Variants in ELAPOR2 observed in about 807,000 individuals in gnomAD.
The protein encoded by ELAPOR2 is endosome-lysosome associated apoptosis and autophagy regulator family member 2, also known as endosome/lysosome-associated apoptosis and autophagy regulator family member 2.
In ELAPOR2, 89 loss-of-function variants were observed where a neutral mutation model predicts 120.7. The ratio of observed to expected loss-of-function variants is 0.74; its 90% CI spans 0.62 to 0.88. ELAPOR2 has a LOEUF of 0.88. Among genes scored for constraint, ELAPOR2 ranks in the 40% least tolerant of loss-of-function variants. The pLI, the probability that ELAPOR2 is intolerant of heterozygous loss-of-function variation, is 0.00. For missense variants in ELAPOR2, 1,134 were observed against 1,251.6 expected (o/e 0.91, Z 1.42); for synonymous variants, 444 against 444.9 (o/e 1.00, Z 0.03).
At chr7:87,027,004 A>G (rs185767857) in intron 1 of ELAPOR2, among the ~76,000 whole-genome samples, 143 of 152,258 alleles carry the variant, frequency 9.4e-4, no homozygotes, top group Admixed American at 2.3e-3. Context: ...TTGGTGCAAC[A>G]ACAAAATTTC....
intron 10 of ELAPOR2, chr7:86,919,598 T>C: frequency 4.1e-6 from 1 of 241,296 alleles, no homozygotes; most frequent in Non-Finnish European, 8.0e-6. Context: ...ATGGTCTCTA[T>C]CTACTCTAAT....
chr7:87,043,836 G>A (rs1289908786), intron 1 of ELAPOR2, among the ~76,000 whole-genome samples: 5 of 151,346 alleles, frequency 3.3e-5, no homozygotes, highest in South Asian at 2.1e-4. Context: ...GTTTGCAGAC[G>A]ACATGACTGT....
chr7:86,925,981 T>C (rs1246773146), intron 9 of ELAPOR2, among the ~76,000 whole-genome samples: 1 of 151,994 alleles, frequency 6.6e-6, no homozygotes, highest in Non-Finnish European at 1.5e-5. Flanking sequence ...AAAGAGTAAC[T>C]ATGAAACAAG....
At chr7:86,900,088 C>A (rs1192920256) in intron 18 of ELAPOR2, among the ~76,000 whole-genome samples, 1 of 152,072 alleles carries the variant, frequency 6.6e-6, no homozygotes. Flanking sequence ...AAGTGCTCTC[C>A]TGTTCAAATC....
intron 1 of ELAPOR2, among the ~76,000 whole-genome samples, chr7:87,040,749 C>T (rs974847875): frequency 6.6e-6 from 1 of 152,244 alleles, no homozygotes; most frequent in African/African-American, 2.4e-5. Context: ...AGCAACGGAA[C>T]AAAGCTGGAT....
Position 87,011,064 on chromosome 7 carries a change from G to A in ELAPOR2, c.190-46040C>T, listed in dbSNP as rs968921542. Among the ~76,000 whole-genome samples the A allele has an allele frequency of 9.9e-5, 15 of 151,870 alleles. No homozygotes were observed. The South Asian group carries it at 2.1e-3, about 21-fold the overall frequency. ...GGGCGGGTCATGAGGTCAAGAGATC[G>A]AGACCATCCTGGCCAACATGGTGAA... On this transcript the variant is annotated intron_variant, in intron 1 of 21. Transcript: ENST00000450689.
At chr7:86,931,948 G>C (rs1029716431) in intron 8 of ELAPOR2, among the ~76,000 whole-genome samples, 1 of 151,810 alleles carries the variant, frequency 6.6e-6, no homozygotes, top group African/African-American at 2.4e-5. Context: ...TTCTCTTTGG[G>C]AACTGATCTG....
chr7:86,966,052 T>C lies in ELAPOR2; in HGVS notation c.190-1028A>G, dbSNP rs114732378. 8.4e-5 allele frequency: 56 copies of C among 665,658 alleles called. No individual in the cohort carries two copies. In the African/African-American group the frequency reaches 1.1e-3, roughly 13 times the overall value. The allele number at this position is 665,658 out of a possible 1,614,324, so 41.2% of individuals were successfully genotyped here. A position where few individuals can be genotyped will look rare whatever the true frequency, so the allele number is the denominator to read the frequency against. ...AGCTGAGATTTCCCAAATCATCAAG[T>C]CTGGGTTCCCGTTTATTTAACAGTT... On this transcript the variant is annotated intron_variant, in intron 1 of 21. Coordinates refer to ENST00000450689, the MANE Select transcript of ELAPOR2 (RefSeq NM_001142749.3).
At chr7:87,022,040 C>T (rs1794058406) in intron 1 of ELAPOR2, among the ~76,000 whole-genome samples, 2 of 151,932 alleles carry the variant, frequency 1.3e-5, no homozygotes, top group African/African-American at 4.8e-5. Flanking sequence ...CAGTTGACAG[C>T]CATAGGTTAG....
intron 1 of ELAPOR2, among the ~76,000 whole-genome samples, chr7:87,036,503 T>C (rs946577164): frequency 6.6e-6 from 1 of 152,110 alleles, no homozygotes; most frequent in Non-Finnish European, 1.5e-5. Context: ...TGCTGAACTA[T>C]TCACAATAGC....
chr7:86,904,521 A>C (rs1344569293), intron 18 of ELAPOR2, among the ~76,000 whole-genome samples: 10 of 152,216 alleles, frequency 6.6e-5, no homozygotes, highest in Non-Finnish European at 1.0e-4. Flanking sequence ...GTCAGATTAC[A>C]TCTGCCACAA....
intron 1 of ELAPOR2, among the ~76,000 whole-genome samples, chr7:87,000,756 A>G (rs1793290870): frequency 6.6e-6 from 1 of 152,148 alleles, no homozygotes; most frequent in African/African-American, 2.4e-5. Context: ...ACTGACCCCT[A>G]TCAAAAAGTA....
At position 86,938,969 on chromosome 7, in the gene ELAPOR2, T is replaced by C; in HGVS notation, c.848-9A>G. On this transcript the variant is annotated splice_polypyrimidine_tract_variant and intron_variant, in intron 6 of 21. Transcript: ENST00000450689. ...TGATGTGTACGCCACCCCTGTGCAG[T>C]AATGAAAAACAGAGCATGGGAGGGG... 1.2e-6 allele frequency: 2 copies of C among 1,612,340 alleles called. No homozygotes were observed. Among genetic ancestry groups the C allele is most frequent in the East Asian group, 2.2e-5 (1 of 44,840 alleles).
chr7:86,881,899 T>C (rs887166653), intron 21 of ELAPOR2, among the ~76,000 whole-genome samples: 1 of 152,240 alleles, frequency 6.6e-6, no homozygotes, highest in Non-Finnish European at 1.5e-5. Context: ...CATGAGAAGA[T>C]AATAGGAAGT....
intron 11 of ELAPOR2, 94 bp from the exon 12 acceptor site, chr7:86,918,638 T>A (rs1456917127): frequency 2.6e-6 from 2 of 762,290 alleles, no homozygotes; most frequent in Non-Finnish European, 4.5e-6. Flanking sequence ...CTAAAAGCCA[T>A]GCTCTTCTCT....
intron 8 of ELAPOR2, among the ~76,000 whole-genome samples, chr7:86,933,484 T>C (rs1471369293): frequency 1.3e-5 from 2 of 151,900 alleles, no homozygotes; most frequent in East Asian, 3.9e-4. Flanking sequence ...CAAATGACTT[T>C]AAGGATCTCA....
intron 1 of ELAPOR2, among the ~76,000 whole-genome samples, chr7:87,024,406 G>A (rs1794172217): frequency 6.6e-6 from 1 of 152,152 alleles, no homozygotes; most frequent in South Asian, 2.1e-4. Context: ...GCATCCCAGG[G>A]ATGAAGCCCA....
chr7:87,010,690 A>C (rs1055399810), intron 1 of ELAPOR2, among the ~76,000 whole-genome samples: 3 of 152,192 alleles, frequency 2.0e-5, no homozygotes, highest in Non-Finnish European at 4.4e-5. Flanking sequence ...TAAAAACATA[A>C]AGCCAGTGAA....
intron 3 of ELAPOR2, 82 bp downstream of exon 3, chr7:86,947,645 T>C: frequency 8.3e-7 from 1 of 1,206,206 alleles, no homozygotes; most frequent in Non-Finnish European, 1.2e-6. Flanking sequence ...ACCAAGATTA[T>C]CCTCATCTTC....
Sources: allele counts gnomAD v4.1 joint callset (sites outside exome capture counted in the v4.1 genomes callset), GRCh38; gene constraint gnomAD v4.1.1; transcripts MANE v1.5; gene names NCBI Gene and HGNC (gene_info 2026-07-23, HGNC 2026-07-21).